The following PBRM1 variants were observed in gnomAD, a reference collection of about 807,000 sequenced individuals.
The protein encoded by PBRM1 is polybromo 1.
In PBRM1, 27 loss-of-function variants were observed where a neutral mutation model predicts 194.5. The observed-to-expected ratio is 0.14, with a 90% CI of 0.10 to 0.19. The LOEUF is 0.19. PBRM1 is among the 10% of genes least tolerant of loss of function. The pLI, the probability that PBRM1 is intolerant of heterozygous loss-of-function variation, is 1.00. For missense variants in PBRM1, 1,466 were observed against 2,077.2 expected, an observed-to-expected ratio of 0.71 and a Z score of 5.72; for synonymous variants, 655 against 693.2, an observed-to-expected ratio of 0.94 and a Z score of 0.87.
upstream of PBRM1, among the ~76,000 whole-genome samples, chr3:52,684,207 A>C (rs1203994657): frequency 1.2e-4 from 18 of 148,530 alleles, no homozygotes; most frequent in Non-Finnish European, 7.4e-5. Context: ...GCCTGTAAGC[A>C]TCCCTTCAGC....
rs1337385728 is a variant in PBRM1, at chr3:52,625,964, G to A, written c.1541+1309C>T. On this transcript the variant is annotated intron_variant, in intron 13 of 29. Transcript: ENST00000296302. ...AGTATCTGGCCTGGGCTAATGCTTC[G>A]TTGGAACTGTTTTCTTAATACTCAA... Among the ~76,000 whole-genome samples the A allele has an allele frequency of 3.9e-5, 6 of 152,268 alleles. No individual in the cohort carries two copies. In the South Asian group the frequency reaches 1.0e-3, roughly 26 times the overall value.
At chr3:52,621,316 C>T (rs546900061) in intron 13 of PBRM1, among the ~76,000 whole-genome samples, 6 of 152,076 alleles carry the variant, frequency 3.9e-5, no homozygotes, top group Non-Finnish European at 7.4e-5. Flanking sequence ...CCTGCCACCA[C>T]GCCTGGCTAA....
At chr3:52,599,528 T>C (rs775661531) in intron 17 of PBRM1, among the ~76,000 whole-genome samples, 7 of 151,892 alleles carry the variant, frequency 4.6e-5, no homozygotes, top group Non-Finnish European at 8.8e-5. Context: ...ATTTTTACTG[T>C]TGGCCAGGCG....
At chr3:52,659,812 C>G (rs932928528) in intron 4 of PBRM1, among the ~76,000 whole-genome samples, 2 of 152,194 alleles carry the variant, frequency 1.3e-5, no homozygotes, top group South Asian at 4.1e-4. Flanking sequence ...GTCTTGGGGT[C>G]TGGCATGGTG....
chr3:52,650,618 C>T (rs186666394), intron 6 of PBRM1, among the ~76,000 whole-genome samples: 1 of 152,218 alleles, frequency 6.6e-6, no homozygotes, highest in African/African-American at 2.4e-5. Flanking sequence ...GCAAACCCTT[C>T]TTATCCTGGG....
intron 13 of PBRM1, among the ~76,000 whole-genome samples, chr3:52,624,664 T>C (rs1233462577): frequency 6.6e-6 from 1 of 152,254 alleles, no homozygotes; most frequent in African/African-American, 2.4e-5. Flanking sequence ...CTTCTGTCCC[T>C]GGCAAAGCTA....
chr3:52,673,612 C>T (rs919271992), intron 2 of PBRM1, among the ~76,000 whole-genome samples: 4 of 136,702 alleles, frequency 2.9e-5, no homozygotes, highest in Non-Finnish European at 6.0e-5. Context: ...GTGGAAGTTG[C>T]AGTGAGCCAA....
intron 22 of PBRM1, among the ~76,000 whole-genome samples, chr3:52,570,460 A>C (rs1194955992): frequency 6.6e-6 from 1 of 152,242 alleles, no homozygotes; most frequent in Non-Finnish European, 1.5e-5. Context: ...AATTCAGAAA[A>C]GGGATAATTA....
intron 29 of PBRM1, among the ~76,000 whole-genome samples, chr3:52,548,882 C>G (rs1198558156): frequency 2.0e-5 from 3 of 152,110 alleles, no homozygotes; most frequent in African/African-American, 7.2e-5. Flanking sequence ...AAATCAAGAA[C>G]AAGTAGAAAC....
exon 5 of PBRM1, chr3:52,658,227 T>G (rs1027804016): frequency 5.0e-6 from 8 of 1,608,428 alleles, no homozygotes; most frequent in Non-Finnish European, 6.8e-6. Context: ...CTGAAAAAGT[T>G]CGCTAATGAG....
At chr3:52,642,705 A>C (rs1194023540) in intron 9 of PBRM1, among the ~76,000 whole-genome samples, 2 of 151,822 alleles carry the variant, frequency 1.3e-5, no homozygotes, top group African/African-American at 4.8e-5. Context: ...TTTTATTGGT[A>C]GCTAATATTA....
intron 10 of PBRM1, among the ~76,000 whole-genome samples, chr3:52,638,282 C>A (rs1445576978): frequency 6.6e-6 from 1 of 151,858 alleles, no homozygotes; most frequent in African/African-American, 2.4e-5. Flanking sequence ...TTTTTCTATT[C>A]TCTGCATGAG....
rs2153919449 is a variant in PBRM1, at chr3:52,662,123, A to T, written c.528+10T>A. 1 of 1,612,624 alleles carries T rather than the reference A, an allele frequency of 6.2e-7. No homozygotes were observed. On this transcript the variant is annotated intron_variant, in intron 4 of 29. Coordinates refer to ENST00000296302, the Ensembl canonical transcript of PBRM1. ...AGCCCATCCATCACAAGTTCCAGCTACACACTTACTCCTTCAGTCACTGTG... is the reference window on the plus strand; with the variant it reads ...AGCCCATCCATCACAAGTTCCAGCTTCACACTTACTCCTTCAGTCACTGTG...
At chr3:52,569,662 T>C (rs1364922922) in intron 22 of PBRM1, among the ~76,000 whole-genome samples, 1 of 152,220 alleles carries the variant, frequency 6.6e-6, no homozygotes, top group Non-Finnish European at 1.5e-5. Flanking sequence ...TGGTACTGCT[T>C]TGCAATTTGT....
rs562354627 is a variant in PBRM1, at chr3:52,551,549, G to A, written c.4610-732C>T. ...TAAGCTTCCCTCAGTGAATGCTCAC[G>A]AGCAATTGTTGTCTCACAGGCACAG... On this transcript the variant is annotated intron_variant, in intron 27 of 29. Coordinates refer to ENST00000296302, the Ensembl canonical transcript of PBRM1. Among the ~76,000 whole-genome samples the A allele has an allele frequency of 5.7e-4, 86 of 152,124 alleles. 2 individuals carry two copies. The South Asian group carries it at 0.013, about 23-fold the overall frequency.
intron 5 of PBRM1, among the ~76,000 whole-genome samples, chr3:52,655,739 T>C (rs2096595990): frequency 6.6e-6 from 1 of 152,202 alleles, no homozygotes; most frequent in Non-Finnish European, 1.5e-5. Context: ...CAGTGGTCAG[T>C]TGCTTTATTT....
chr3:52,587,464 T>C (rs1346392996), exon 19 of PBRM1: 6 of 1,612,774 alleles, frequency 3.7e-6, no homozygotes, highest in Non-Finnish European at 5.1e-6. Flanking sequence ...CCAGGTGGAA[T>C]GTTTCATTTG....
intron 3 of PBRM1, among the ~76,000 whole-genome samples, chr3:52,665,709 T>C (rs909373573): frequency 1.3e-5 from 2 of 152,142 alleles, no homozygotes; most frequent in African/African-American, 4.8e-5. Context: ...CCTGATGACA[T>C]GAGAAGGAAG....
At chr3:52,657,849 G>A (rs372589306) in intron 5 of PBRM1, among the ~76,000 whole-genome samples, 1 of 149,422 alleles carries the variant, frequency 6.7e-6, no homozygotes, top group Non-Finnish European at 1.5e-5. Flanking sequence ...GTGCAATGGC[G>A]CAATCTTGGC....
Sources: allele counts gnomAD v4.1 joint callset (sites outside exome capture counted in the v4.1 genomes callset), GRCh38; gene constraint gnomAD v4.1.1; transcripts MANE v1.5; gene names NCBI Gene and HGNC (gene_info 2026-07-23, HGNC 2026-07-21).